CYP4B1: variants seen among roughly 807,000 people sequenced by gnomAD.
CYP4B1 encodes the protein cytochrome P450 4B1.
Under a neutral mutation model 54.0 loss-of-function variants are expected in CYP4B1, and 45 were observed. The ratio of observed to expected loss-of-function variants is 0.83; its 90% CI spans 0.66 to 1.07. The LOEUF is 1.07. CYP4B1 is among the 50% of genes least tolerant of loss of function. CYP4B1 has a pLI of 0.00. For synonymous variants in CYP4B1, 248 were observed against 247.5 expected, an observed-to-expected ratio of 1.00 and a Z score of -0.02; for missense variants, 656 against 655.4, an observed-to-expected ratio of 1.00 and a Z score of -0.01.
chr1:46,808,127 GAA>G (rs980822402), intron 1 of CYP4B1, among the ~76,000 whole-genome samples: 5 of 152,174 alleles, frequency 3.3e-5, no homozygotes, highest in Admixed American at 2.6e-4. Context: ...GAGGAAAGGA[GAA>G]AGAGAGAGAG....
At chr1:46,813,409 G>A (rs1359885029) in intron 4 of CYP4B1, 73 bp from the exon 5 acceptor site, 19 of 1,598,628 alleles carry the variant, frequency 1.2e-5, no homozygotes, top group Non-Finnish European at 5.1e-6. Flanking sequence ...GTCCTGGAGG[G>A]CAGCTTGGGG....
intron 11 of CYP4B1, 96 bp from the exon 12 acceptor site, chr1:46,818,535 A>T (rs1453335545): frequency 5.4e-6 from 7 of 1,302,212 alleles, no homozygotes; most frequent in Non-Finnish European, 7.7e-6. Flanking sequence ...TATTCATCCA[A>T]AAACAGTTAT....
intron 7 of CYP4B1, 72 bp from the exon 8 acceptor site, chr1:46,815,002 C>A: frequency 7.2e-7 from 1 of 1,384,900 alleles, no homozygotes; most frequent in Non-Finnish European, 1.0e-6. Flanking sequence ...ATTTGACAAC[C>A]ACCATTATGA....
At chr1:46,802,190 G>GGT (rs149282133) in intron 1 of CYP4B1, among the ~76,000 whole-genome samples, 4,017 of 151,280 alleles carry the variant, frequency 0.027, 92 homozygotes, top group South Asian at 0.075. Flanking sequence ...GGTGTGTGTG[G>GGT]GTGTGTGTGT....
intron 1 of CYP4B1, among the ~76,000 whole-genome samples, chr1:46,800,246 C>T (rs1259244774): frequency 0.51 from 19,763 of 38,636 alleles, 4,904 homozygotes; most frequent in Admixed American, 0.62. Context: ...TCTTTCCTTC[C>T]TTCCTTCCTT....
intron 8 of CYP4B1, among the ~76,000 whole-genome samples, chr1:46,816,531 T>C (rs1050776727): frequency 4.6e-5 from 7 of 150,980 alleles, no homozygotes; most frequent in Middle Eastern, 3.4e-3. Context: ...CCTGTAGTTA[T>C]AGTTGGATGT....
chr1:46,805,650 G>A (rs1678829277), intron 1 of CYP4B1, among the ~76,000 whole-genome samples: 1 of 152,160 alleles, frequency 6.6e-6, no homozygotes, highest in African/African-American at 2.4e-5. Context: ...GCTCTCCATG[G>A]CTCTGTTCAA....
chr1:46,800,234 TTTCTTTCCTTCCTTCC>T lies in CYP4B1; in HGVS notation c.180+977_180+992del, dbSNP rs1424455311. ...TTCTTTCTCTTTCTCTCTTTCTTTC[TTTCTTTCCTTCCTTCC>T]TTCCTTCCTTCCTTCCTTCCTTCCT... is the stretch of plus-strand genomic sequence containing the variant. On this transcript the variant is annotated intron_variant, in intron 1 of 11. Transcript: ENST00000371923. 3.4e-3 allele frequency among the ~76,000 whole-genome samples: 148 copies of T among 43,666 alleles called. 19 individuals are homozygous for T. The highest frequency in any genetic ancestry group is 8.8e-3 in the African/African-American group (124 of 14,084). 28.6% of individuals were successfully genotyped at this position (43,666 alleles called of 152,430 possible). A position where few individuals can be genotyped will look rare whatever the true frequency, so the allele number is the denominator to read the frequency against.
At position 46,817,045 on chromosome 1, in the gene CYP4B1, C is replaced by A. The variant is rs1679361515; in HGVS notation, c.1074-3C>A. 6.2e-7 allele frequency: 1 copy of A among 1,613,376 alleles called. No homozygotes were observed. The highest frequency in any genetic ancestry group is 1.3e-5 in the African/African-American group (1 of 74,898). On this transcript the variant is annotated splice_polypyrimidine_tract_variant and splice_region_variant and intron_variant, in intron 8 of 11. Transcript: ENST00000371923. The stretch of plus-strand genomic sequence containing the variant: ...AAGAATGTTCTGGTTGTGTTGCTGG[C>A]AGGGATGATCTGGGCAAAATGACTT...
intron 11 of CYP4B1, 82 bp from the exon 12 acceptor site, chr1:46,818,549 C>A: frequency 7.1e-7 from 1 of 1,416,346 alleles, no homozygotes; most frequent in South Asian, 1.2e-5. Context: ...CAGTTATTGA[C>A]TTTTGTTGGC....
intron 3 of CYP4B1, 85 bp downstream of exon 3, chr1:46,811,269 T>G: frequency 6.4e-6 from 9 of 1,407,306 alleles, no homozygotes; most frequent in Non-Finnish European, 9.1e-6. Context: ...CCCACTCAAT[T>G]GGTTATCCCA....
chr1:46,800,256 TCC>T (rs1272284630), intron 1 of CYP4B1, among the ~76,000 whole-genome samples: 1 of 105,408 alleles, frequency 9.5e-6, no homozygotes, highest in African/African-American at 3.4e-5. Context: ...CTTCCTTCCT[TCC>T]TTCCTTCCTT....
chr1:46,818,593 C>T, intron 11 of CYP4B1, 38 bp from the exon 12 acceptor site: 2 of 1,597,340 alleles, frequency 1.3e-6, no homozygotes, highest in Non-Finnish European at 1.7e-6. Flanking sequence ...ACTCTGGATG[C>T]TCCATTGCAC....
chr1:46,813,819 T>C, intron 5 of CYP4B1, 90 bp from the exon 6 acceptor site: 1 of 1,513,754 alleles, frequency 6.6e-7, no homozygotes, highest in Non-Finnish European at 9.0e-7. Context: ...GGATGCTCTG[T>C]GGTTGGGGCT....
intron 1 of CYP4B1, among the ~76,000 whole-genome samples, chr1:46,808,937 G>A (rs1476561498): frequency 1.5e-5 from 2 of 135,254 alleles, no homozygotes; most frequent in Non-Finnish European, 3.1e-5. Flanking sequence ...CATGGACACA[G>A]GAAGGGGAAT....
At position 46,819,006 on chromosome 1, in the gene CYP4B1, C is replaced by G. The variant is rs45470499; in HGVS notation, c.*192C>G. Reference sequence around the variant, plus strand: ...AAAATGTGTGTCTATAAATGTTTATCATGCATGTATTCTAGAGCTCATTCA... The same window carrying G: ...AAAATGTGTGTCTATAAATGTTTATGATGCATGTATTCTAGAGCTCATTCA... On this transcript the variant is annotated 3_prime_UTR_variant, in exon 12 of 12. Transcript: ENST00000371923. 4,537 of 550,108 alleles carry G rather than the reference C, an allele frequency of 8.2e-3. 163 individuals carry two copies. Among genetic ancestry groups the G allele is most frequent in the African/African-American group, 0.078 (4,133 of 53,238 alleles). 34.1% of individuals were successfully genotyped at this position (550,108 alleles called of 1,614,324 possible).
At chr1:46,806,929 C>T (rs945011801) in intron 1 of CYP4B1, 7 of 152,182 alleles carry the variant, frequency 4.6e-5, no homozygotes, top group East Asian at 1.9e-4. Flanking sequence ...CAGGCAGTCA[C>T]GTGTACCCCA....
Position 46,810,809 on chromosome 1 carries a change from T to A in CYP4B1, c.182T>A (p.Ile61Asn). Residue 61 changes from isoleucine (I) to asparagine (N), a missense_variant and splice_region_variant, in exon 2 of 12, where the codon ATC becomes AAC. Physicochemically the swap from Ile to Asn is moderately radical, Grantham distance 149 (BLOSUM62 -3). Transcript: ENST00000371923. ...CTTGGCCTTCTGTCATCATTTCAGA[T>A]CCAGGAGACGGGGAGCCTGGACAAA... ...THWLFGHALE[I>N]QETGSLDKVV... 6.2e-7 allele frequency: 1 copy of A among 1,614,114 alleles called. No homozygotes were observed. Among genetic ancestry groups the A allele is most frequent in the South Asian group, 1.1e-5 (1 of 91,068 alleles).
intron 1 of CYP4B1, among the ~76,000 whole-genome samples, chr1:46,808,518 T>A (rs1042845614): frequency 3.3e-5 from 5 of 152,040 alleles, no homozygotes; most frequent in Non-Finnish European, 7.4e-5. Flanking sequence ...TAAATTTGTT[T>A]GAGTTCATTG....
Sources: gnomAD v4.1 joint callset for allele counts (sites outside exome capture counted in the v4.1 genomes callset) on GRCh38, gnomAD v4.1.1 for gene constraint, MANE v1.5 for transcripts, NCBI Gene and HGNC (gene_info 2026-07-23, HGNC 2026-07-21) for gene names.